The following GALNT2 variants were observed in gnomAD, a reference collection of about 807,000 sequenced individuals.
GALNT2 encodes the protein polypeptide N-acetylgalactosaminyltransferase 2, also known as UDP-GalNAc:polypeptide N-acetylgalactosaminyltransferase 2.
In GALNT2, 31 loss-of-function variants were observed where a neutral mutation model predicts 81.4. The ratio of observed to expected loss-of-function variants is 0.38; its 90% CI spans 0.29 to 0.51. GALNT2 has a LOEUF of 0.51. Ranked by LOEUF, GALNT2 falls within the 20% of genes least tolerant of loss-of-function variation. The probability of loss-of-function intolerance (pLI) is 0.87; values close to 1 mark genes in which losing one functional copy is unlikely to be tolerated. For synonymous variants in GALNT2, 303 were observed against 287.4 expected (o/e 1.05, Z -0.55); for missense variants, 629 against 765.7 (o/e 0.82, Z 2.11).
intron 1 of GALNT2, among the ~76,000 whole-genome samples, chr1:230,117,918 G>A (rs920514552): frequency 2.6e-5 from 4 of 152,170 alleles, no homozygotes; most frequent in Non-Finnish European, 5.9e-5. Context: ...CAAGATATAC[G>A]TGTCTGATGA....
chr1:230,068,361 G>C (rs1317718950), intron 1 of GALNT2, among the ~76,000 whole-genome samples: 2 of 152,230 alleles, frequency 1.3e-5, no homozygotes, highest in Non-Finnish European at 2.9e-5. Context: ...GCAGGGCGTC[G>C]GGCTGTGTGC....
intron 1 of GALNT2, among the ~76,000 whole-genome samples, chr1:230,177,350 G>T (rs181747250): frequency 1.2e-3 from 176 of 152,358 alleles, no homozygotes; most frequent in Non-Finnish European, 1.8e-3. Context: ...CCGCCTAATC[G>T]CATCTGCTCA....
At chr1:230,197,639 T>G (rs1358747196) in intron 2 of GALNT2, among the ~76,000 whole-genome samples, 1 of 152,234 alleles carries the variant, frequency 6.6e-6, no homozygotes, top group Non-Finnish European at 1.5e-5. Flanking sequence ...GATCATCTCA[T>G]TTAGTTGTTA....
intron 2 of GALNT2, among the ~76,000 whole-genome samples, chr1:230,181,272 C>T (rs636810): frequency 0.23 from 35,072 of 151,922 alleles, 4,908 homozygotes; most frequent in African/African-American, 0.39. Context: ...AGTTCTCATA[C>T]ATTCCTAGTT....
intron 3 of GALNT2, among the ~76,000 whole-genome samples, chr1:230,233,019 C>T (rs1226543866): frequency 6.6e-6 from 1 of 152,142 alleles, no homozygotes; most frequent in African/African-American, 2.4e-5. Context: ...AATTGCACTG[C>T]TTTTCATGTT....
intron 1 of GALNT2, among the ~76,000 whole-genome samples, chr1:230,082,918 T>C (rs1430825188): frequency 6.8e-6 from 1 of 147,182 alleles, no homozygotes; most frequent in Non-Finnish European, 1.5e-5. Context: ...GACAGGGAGC[T>C]GGGATGATGG....
rs1421579016 is a variant in GALNT2 at position 230,281,273 on chromosome 1, C to G, written c.*1815C>G. On this transcript the variant is annotated 3_prime_UTR_variant, in exon 16 of 16. Transcript: ENST00000366672. Reference sequence around the variant, plus strand: ...GCTGGAGGGCTGCCCTATAGGTCTTCTCTTCCCGCCTCCCCTGCCATGCAA... The same window carrying G: ...GCTGGAGGGCTGCCCTATAGGTCTTGTCTTCCCGCCTCCCCTGCCATGCAA... 1 of 152,402 alleles carries G rather than the reference C, an allele frequency of 6.6e-6. No individual in the cohort carries two copies. Among genetic ancestry groups the G allele is most frequent in the African/African-American group, 2.4e-5 (1 of 41,422 alleles). 9.4% of individuals were successfully genotyped at this position (152,402 alleles called of 1,614,324 possible). A position where few individuals can be genotyped will look rare whatever the true frequency, so the allele number is the denominator to read the frequency against.
intron 10 of GALNT2, among the ~76,000 whole-genome samples, chr1:230,253,702 C>T (rs1257476774): frequency 3.3e-5 from 5 of 152,114 alleles, no homozygotes; most frequent in Non-Finnish European, 5.9e-5. Flanking sequence ...TCAGTATCCT[C>T]CTCCTGGTTA....
At position 230,257,830 on chromosome 1, in the gene GALNT2, T is replaced by C. The variant is rs752963831; in HGVS notation, c.1136+2486T>C. Among the ~76,000 whole-genome samples, 1 of 152,110 alleles carries C rather than the reference T, an allele frequency of 6.6e-6. No homozygotes were observed. Among genetic ancestry groups the C allele is most frequent in the Non-Finnish European group, 1.5e-5 (1 of 68,024 alleles). ...TTAGGGTGATGCCCAGGAGCTTTGT[T>C]ACACAACTGCGCTGGCGTGCTGCCC... On this transcript the variant is annotated intron_variant, in intron 11 of 15. Transcript: ENST00000366672. The surrounding 1 kb of genome is among the most constrained non-coding windows in gnomAD (Gnocchi z 4.6).
At chr1:230,061,438 G>A (rs915262502) in intron 1 of GALNT2, among the ~76,000 whole-genome samples, 2 of 151,936 alleles carry the variant, frequency 1.3e-5, no homozygotes, top group Admixed American at 6.6e-5. Context: ...AAAAAATAAA[G>A]GGCTTTAAAA....
chr1:230,062,752 T>C (rs375515219), upstream of GALNT2, among the ~76,000 whole-genome samples: 284 of 152,312 alleles, frequency 1.9e-3, 2 homozygotes, highest in African/African-American at 6.6e-3. Flanking sequence ...TGCTTGTCCA[T>C]TTATCTGTTG....
At chr1:230,128,607 G>GGT (rs1661267965) in intron 1 of GALNT2, among the ~76,000 whole-genome samples, 1 of 149,016 alleles carries the variant, frequency 6.7e-6, no homozygotes, top group Non-Finnish European at 1.5e-5. Flanking sequence ...CTTTCATAAG[G>GGT]GTGTGTGTGT....
intron 13 of GALNT2, chr1:230,263,603 T>C (rs192738541): frequency 6.6e-6 from 1 of 152,606 alleles, no homozygotes; most frequent in African/African-American, 2.4e-5. Flanking sequence ...ACACCCAGCC[T>C]CTTGTTTTAA....
At chr1:230,076,696 A>G (rs1427109225) in intron 1 of GALNT2, among the ~76,000 whole-genome samples, 1 of 152,166 alleles carries the variant, frequency 6.6e-6, no homozygotes, top group African/African-American at 2.4e-5. Flanking sequence ...TGCTTTTCAT[A>G]GAGGCCATTC....
chr1:230,130,597 C>G (rs567472193), intron 1 of GALNT2, among the ~76,000 whole-genome samples: 1 of 152,118 alleles, frequency 6.6e-6, no homozygotes, highest in Admixed American at 6.5e-5. Flanking sequence ...CCCTGGGGAC[C>G]GACCCCTGTG....
intron 2 of GALNT2, among the ~76,000 whole-genome samples, chr1:230,201,594 A>G (rs1663894126): frequency 6.6e-6 from 1 of 152,184 alleles, no homozygotes; most frequent in Admixed American, 6.5e-5. Context: ...TTCAAGGTCA[A>G]CTGCACGACC....
At chr1:230,142,779 G>A (rs1350389035) in intron 1 of GALNT2, among the ~76,000 whole-genome samples, 1 of 152,124 alleles carries the variant, frequency 6.6e-6, no homozygotes, top group Non-Finnish European at 1.5e-5. Flanking sequence ...GCTACTTCTT[G>A]TCCTCTGTCT....
At chr1:230,126,669 A>T (rs1661193401) in intron 1 of GALNT2, among the ~76,000 whole-genome samples, 1 of 152,200 alleles carries the variant, frequency 6.6e-6, no homozygotes, top group Non-Finnish European at 1.5e-5. Flanking sequence ...TGGGATTGTA[A>T]TATCGCATCT....
chr1:230,181,037 A>C (rs561259693), intron 2 of GALNT2, among the ~76,000 whole-genome samples: 1 of 152,152 alleles, frequency 6.6e-6, no homozygotes, highest in South Asian at 2.1e-4. Context: ...ACAGACAATC[A>C]TGTGATCTAT....
Sources: gnomAD v4.1 joint callset for allele counts (sites outside exome capture counted in the v4.1 genomes callset) on GRCh38, gnomAD v4.1.1 for gene constraint, Gnocchi (gnomAD v3.1) non-coding constraint, MANE v1.5 for transcripts, NCBI Gene and HGNC (gene_info 2026-07-23, HGNC 2026-07-21) for gene names.